Variants in CCDC125 observed in about 807,000 individuals in gnomAD.
CCDC125 encodes the protein coiled-coil domain containing 125.
Under a neutral mutation model 57.4 loss-of-function variants are expected in CCDC125, and 43 were observed. That is an observed-to-expected ratio of 0.75 (90% confidence interval 0.59 to 0.97). The LOEUF is 0.97. Ranked by LOEUF, CCDC125 falls within the 50% of genes least tolerant of loss-of-function variation. The probability of loss-of-function intolerance (pLI) is 0.00; values close to 1 mark genes in which losing one functional copy is unlikely to be tolerated. For missense variants in CCDC125, 563 were observed against 595.7 expected (o/e 0.95, Z 0.57); for synonymous variants, 187 against 195.2 (o/e 0.96, Z 0.35).
At position 69,322,797 on chromosome 5, in the gene CCDC125, A is replaced by T. The variant is rs534844806; in HGVS notation, c.-40-2217T>A. Among the ~76,000 whole-genome samples, 4 of 150,610 alleles carry T rather than the reference A, an allele frequency of 2.7e-5. No individual in the cohort carries two copies. In the South Asian group the frequency reaches 8.8e-4, roughly 33 times the overall value. ...AGGCTGGTCTCAAACTCCTGACCTC[A>T]TGATACACCCGCCTTGGCCTCCCAA... On this transcript the variant is annotated intron_variant, in intron 1 of 11. Transcript: ENST00000396496.
intron 8 of CCDC125, among the ~76,000 whole-genome samples, chr5:69,299,613 T>C (rs1486417018): frequency 1.3e-5 from 2 of 152,202 alleles, no homozygotes; most frequent in Non-Finnish European, 2.9e-5. Context: ...ATTTGAGCCT[T>C]AGTTTCCTCT....
At chr5:69,310,993 A>C (rs1228400901) in intron 4 of CCDC125, 125 bp downstream of exon 4, 4 of 528,892 alleles carry the variant, frequency 7.6e-6, no homozygotes, top group Non-Finnish European at 1.3e-5. Flanking sequence ...AGCTCTTAAA[A>C]ATATACATAC....
intron 1 of CCDC125, among the ~76,000 whole-genome samples, chr5:69,330,339 G>A (rs1213688931): frequency 6.6e-6 from 1 of 152,172 alleles, no homozygotes; most frequent in African/African-American, 2.4e-5. Context: ...GCTCATGCCT[G>A]TAATCCCAGC....
At chr5:69,294,083 A>G (rs1754938122) in intron 9 of CCDC125, 1 of 923,608 alleles carries the variant, frequency 1.1e-6, no homozygotes, top group African/African-American at 1.8e-5. Context: ...GGCTGGGACA[A>G]AGGTTCCTTT....
chr5:69,314,284 G>C (rs540684433), intron 2 of CCDC125, among the ~76,000 whole-genome samples: 1 of 151,992 alleles, frequency 6.6e-6, no homozygotes, highest in Non-Finnish European at 1.5e-5. Context: ...GGCCAACATG[G>C]TAAAACCCTG....
the CCDC125 span, among the ~76,000 whole-genome samples, chr5:69,273,304 A>G: frequency 6.7e-6 from 1 of 148,520 alleles, no homozygotes; most frequent in African/African-American, 2.6e-5. Context: ...TCTATTTCAC[A>G]TAATTGGCTT....
At chr5:69,304,419 A>AC (rs1385633096) in intron 6 of CCDC125, among the ~76,000 whole-genome samples, 3 of 106,510 alleles carry the variant, frequency 2.8e-5, no homozygotes, top group Non-Finnish European at 5.7e-5. Context: ...TTTTAAACAT[A>AC]CCCTTTTTTT....
intron 8 of CCDC125, among the ~76,000 whole-genome samples, chr5:69,296,019 G>C (rs1046725614): frequency 4.0e-5 from 6 of 151,870 alleles, no homozygotes; most frequent in African/African-American, 1.5e-4. Context: ...GAGTAGCTGG[G>C]ACTACAGGCG....
In CCDC125 at chr5:69,306,908, GA is replaced by G; in HGVS notation, c.532-7del. ...CACTGCAAGGCATTTATTTCCTATG[GA>G]AAGAAAATAGTACCTTCATGGCAAA... On this transcript the variant is annotated splice_polypyrimidine_tract_variant and splice_region_variant and intron_variant, in intron 5 of 11. Coordinates refer to ENST00000396496, the MANE Select transcript of CCDC125 (RefSeq NM_176816.5). The G allele has an allele frequency of 6.7e-7, 1 of 1,490,324 alleles. No individual in the cohort carries two copies. Among genetic ancestry groups the G allele is most frequent in the South Asian group, 1.5e-5 (1 of 68,132 alleles). The allele number at this position is 1,490,324 out of a possible 1,614,324, so 92.3% of individuals were successfully genotyped here.
the CCDC125 span, chr5:69,273,040 A>G: frequency 1.3e-6 from 2 of 1,531,556 alleles, no homozygotes; most frequent in Non-Finnish European, 1.8e-6. Context: ...ACGGCCACAC[A>G]GGTATTTTGG....
chr5:69,292,828 T>C (rs1398450376), intron 9 of CCDC125, among the ~76,000 whole-genome samples: 7 of 151,902 alleles, frequency 4.6e-5, no homozygotes, highest in Non-Finnish European at 8.8e-5. Context: ...TTTCTTCTAT[T>C]TTTTTCTTCT....
intron 5 of CCDC125, chr5:69,307,636 C>T (rs1757534479): frequency 4.1e-6 from 1 of 244,540 alleles, no homozygotes; most frequent in Non-Finnish European, 8.0e-6. Flanking sequence ...GAGTAGAGAT[C>T]GCGCCACTGC....
intron 1 of CCDC125, among the ~76,000 whole-genome samples, chr5:69,322,476 G>C (rs944749478): frequency 1.3e-5 from 2 of 151,986 alleles, no homozygotes; most frequent in Non-Finnish European, 2.9e-5. Context: ...GTAATACCAA[G>C]GCTTTGGGAG....
downstream of CCDC125, among the ~76,000 whole-genome samples, chr5:69,275,608 C>T (rs1561381413): frequency 1.3e-5 from 2 of 152,262 alleles, no homozygotes; most frequent in South Asian, 2.1e-4. Flanking sequence ...GAAAATTCTA[C>T]ACATAAGGAC....
chr5:69,274,868 G>A, the CCDC125 span, among the ~76,000 whole-genome samples: 3 of 152,100 alleles, frequency 2.0e-5, no homozygotes, highest in Non-Finnish European at 2.9e-5. Context: ...CATCTGCCTC[G>A]GCCTCCCAAA....
chr5:69,327,188 G>A (rs1760843228), intron 1 of CCDC125, among the ~76,000 whole-genome samples: 1 of 150,286 alleles, frequency 6.7e-6, no homozygotes, highest in South Asian at 2.1e-4. Flanking sequence ...TCCGCCTCCC[G>A]GGTTCATGCC....
At chr5:69,302,029 ACTGAGATTGTGT>A (rs1388509624) in intron 7 of CCDC125, among the ~76,000 whole-genome samples, 2 of 151,302 alleles carry the variant, frequency 1.3e-5, no homozygotes, top group East Asian at 3.9e-4. Flanking sequence ...GTTGCAGTGA[ACTGAGATTGTGT>A]CACTGCACTC....
chr5:69,316,315 C>T (rs1759093554), intron 2 of CCDC125, among the ~76,000 whole-genome samples: 1 of 152,120 alleles, frequency 6.6e-6, no homozygotes, highest in African/African-American at 2.4e-5. Context: ...TCTGGATTAT[C>T]CAAGTGAGTC....
At chr5:69,298,072 G>A (rs1028579093) in intron 8 of CCDC125, among the ~76,000 whole-genome samples, 5 of 150,986 alleles carry the variant, frequency 3.3e-5, no homozygotes, top group Admixed American at 1.3e-4. Flanking sequence ...CTGGAGTGCA[G>A]TGGCACAATC....
Sources: gnomAD v4.1 joint callset for allele counts (sites outside exome capture counted in the v4.1 genomes callset) on GRCh38, gnomAD v4.1.1 for gene constraint, MANE v1.5 for transcripts, NCBI Gene and HGNC (gene_info 2026-07-23, HGNC 2026-07-21) for gene names.